The following ADAM12 variants were observed in gnomAD, a reference collection of about 807,000 sequenced individuals.
The protein encoded by ADAM12 is disintegrin and metalloproteinase domain-containing protein 12.
A neutral mutation model predicts 106.4 loss-of-function variants in ADAM12; 70 were observed. That is an observed-to-expected ratio of 0.66 (90% CI 0.54 to 0.80). The LOEUF is 0.80. Among genes scored for constraint, ADAM12 ranks in the 30% least tolerant of loss-of-function variants. ADAM12 has a pLI of 0.00. For synonymous variants in ADAM12, 420 were observed against 433.5 expected (o/e 0.97, Z 0.39); for missense variants, 1,010 against 1,171.9 (o/e 0.86, Z 2.02).
Position 126,364,071 on chromosome 10 carries a change from AAG to A in ADAM12, c.88+23985_88+23986del, listed in dbSNP as rs918129223. On this transcript the variant is annotated intron_variant, in intron 1 of 22. Transcript: ENST00000448723. ...TTTTTATCAGGTCACAAGATTTAAA[AAG>A]AGAGAGACAAGATATGGTACCTCTG... Among the ~76,000 whole-genome samples the A allele has an allele frequency of 1.4e-4, 22 of 152,306 alleles. No homozygotes were observed. In the South Asian group the frequency reaches 2.9e-3, roughly 20 times the overall value.
chr10:126,115,615 A>G (rs548161196), intron 6 of ADAM12, among the ~76,000 whole-genome samples: 98 of 152,288 alleles, frequency 6.4e-4, no homozygotes, highest in Non-Finnish European at 1.3e-3. Context: ...GTGAAGAAAA[A>G]CGCAAACATC....
intron 3 of ADAM12, among the ~76,000 whole-genome samples, chr10:126,242,850 A>G (rs1458116493): frequency 6.6e-6 from 1 of 151,914 alleles, no homozygotes; most frequent in Non-Finnish European, 1.5e-5. Flanking sequence ...GGCTCTTTCC[A>G]GTGTCTGGTT....
intron 4 of ADAM12, among the ~76,000 whole-genome samples, chr10:126,149,026 G>C (rs531906242): frequency 4.6e-5 from 7 of 152,296 alleles, no homozygotes; most frequent in Middle Eastern, 3.4e-3. Flanking sequence ...AGGGACCAGG[G>C]ATTTTCAGGG....
chr10:126,268,581 G>A (rs1362201236), intron 3 of ADAM12, among the ~76,000 whole-genome samples: 1 of 152,160 alleles, frequency 6.6e-6, no homozygotes, highest in Non-Finnish European at 1.5e-5. Context: ...GCAGCTCTTT[G>A]TCATCACTAA....
At chr10:126,106,517 C>T (rs779081772) in intron 8 of ADAM12, among the ~76,000 whole-genome samples, 181 of 140,808 alleles carry the variant, frequency 1.3e-3, no homozygotes, top group Admixed American at 2.8e-3. Context: ...GATGGAGTCT[C>T]GCTCTGTCAC....
intron 10 of ADAM12, among the ~76,000 whole-genome samples, chr10:126,095,491 A>G (rs574180239): frequency 0.01 from 1,294 of 128,300 alleles, 27 homozygotes; most frequent in African/African-American, 0.035. Flanking sequence ...CCAAGATCCC[A>G]CCACTGCACT....
intron 1 of ADAM12, among the ~76,000 whole-genome samples, chr10:126,385,943 T>C (rs1398133361): frequency 6.6e-6 from 1 of 152,188 alleles, no homozygotes; most frequent in Non-Finnish European, 1.5e-5. Flanking sequence ...GAAAAGCCAG[T>C]AGGCCCGTTG....
chr10:126,057,451 C>T (rs1429495885), intron 14 of ADAM12, among the ~76,000 whole-genome samples: 1 of 151,620 alleles, frequency 6.6e-6, no homozygotes, highest in Non-Finnish European at 1.5e-5. Context: ...GGTGCCTTAC[C>T]CTGGAGTCTC....
chr10:126,351,260 CG>C (rs1408742952), intron 1 of ADAM12, among the ~76,000 whole-genome samples: 1 of 151,986 alleles, frequency 6.6e-6, no homozygotes, highest in African/African-American at 2.4e-5. Context: ...TGCAGCTGTC[CG>C]GACCTCACCA....
chr10:126,050,221 T>C (rs1954444492), intron 14 of ADAM12, among the ~76,000 whole-genome samples: 1 of 152,244 alleles, frequency 6.6e-6, no homozygotes, highest in Non-Finnish European at 1.5e-5. Context: ...AAGGCAGAGA[T>C]TTCTCTCAGA....
In ADAM12 at chr10:126,267,274, G is replaced by A. The variant is rs150313539; in HGVS notation, c.260+11641C>T. 3.1e-3 allele frequency among the ~76,000 whole-genome samples: 477 copies of A among 152,284 alleles called. 1 individual carries two copies. The highest frequency in any genetic ancestry group is 0.011 in the African/African-American group (452 of 41,548). On this transcript the variant is annotated intron_variant, in intron 3 of 22. Coordinates refer to ENST00000448723, the MANE Select transcript of ADAM12 (RefSeq NM_001288973.2). ...CCCAAACTTTTTGGCACCTGAGACC[G>A]GTTTCATGGAAGACAATTTTTCCAT... is the stretch of plus-strand genomic sequence containing the variant.
At chr10:126,161,187 G>C (rs1306559913) in intron 3 of ADAM12, among the ~76,000 whole-genome samples, 1 of 152,154 alleles carries the variant, frequency 6.6e-6, no homozygotes, top group African/African-American at 2.4e-5. Context: ...TTCCAGCCCT[G>C]CAGAGAGCCT....
At chr10:126,311,756 G>A (rs1590764412) in intron 2 of ADAM12, among the ~76,000 whole-genome samples, 1 of 152,210 alleles carries the variant, frequency 6.6e-6, no homozygotes, top group East Asian at 1.9e-4. Flanking sequence ...CAACTCCACG[G>A]GGACAGCAGC....
At position 126,049,611 on chromosome 10, in the gene ADAM12, A is replaced by G. The variant is rs770225526; in HGVS notation, c.1668T>C (p.Tyr556=). The change falls in exon 15 of 23, where the codon TAT becomes TAC. Residue 556 remains tyrosine (Y), a synonymous_variant. Coordinates refer to ENST00000448723, the MANE Select transcript of ADAM12 (RefSeq NM_001288973.2). The surrounding 1 kb of genome is among the most constrained non-coding windows in gnomAD (Gnocchi z 4.4). ...FERVNSAGDP[Y]GNCGKVSKSS... ...TCTTCGAGACTTTGCCACAGTTGCC[A>G]TAAGGATCACCTGCAGAATTGACTC... 5.6e-5 allele frequency: 91 copies of G among 1,614,086 alleles called. 2 individuals are homozygous for G. In the South Asian group the frequency reaches 8.8e-4, roughly 16 times the overall value.
intron 21 of ADAM12, among the ~76,000 whole-genome samples, chr10:126,025,980 A>G (rs1414367836): frequency 6.6e-6 from 1 of 152,230 alleles, no homozygotes; most frequent in African/African-American, 2.4e-5. Flanking sequence ...CCAATAAGCT[A>G]GAAGAGCTTG....
At chr10:126,203,940 G>A (rs576959930) in intron 3 of ADAM12, among the ~76,000 whole-genome samples, 1,762 of 19,254 alleles carry the variant, frequency 0.092, 35 homozygotes, top group African/African-American at 0.13. Flanking sequence ...GCGCGCGCGC[G>A]TGTGTGTGTG....
intron 3 of ADAM12, among the ~76,000 whole-genome samples, chr10:126,251,041 C>A (rs1958735530): frequency 6.6e-6 from 1 of 152,218 alleles, no homozygotes; most frequent in Admixed American, 6.5e-5. Context: ...TTGCTTCTTT[C>A]TTCTGGGAAT....
At chr10:126,236,024 G>A (rs933865382) in intron 3 of ADAM12, among the ~76,000 whole-genome samples, 25 of 152,076 alleles carry the variant, frequency 1.6e-4, no homozygotes, top group African/African-American at 5.3e-4. Context: ...GCTGGAGAGG[G>A]CATCTTGGGC....
At chr10:126,148,392 T>A (rs1249874083) in intron 4 of ADAM12, among the ~76,000 whole-genome samples, 1 of 152,186 alleles carries the variant, frequency 6.6e-6, no homozygotes, top group African/African-American at 2.4e-5. Context: ...AAAAGCTGCA[T>A]CTGGGTCCTC....
Sources: allele counts gnomAD v4.1 joint callset (sites outside exome capture counted in the v4.1 genomes callset), GRCh38; gene constraint gnomAD v4.1.1; non-coding constraint Gnocchi (gnomAD v3.1); transcripts MANE v1.5; gene names NCBI Gene and HGNC (gene_info 2026-07-23, HGNC 2026-07-21).